Variants in SCLT1 observed in about 807,000 individuals in gnomAD.
SCLT1 encodes the protein sodium channel-associated protein 1.
A neutral mutation model predicts 112.8 loss-of-function variants in SCLT1; 78 were observed. The observed-to-expected ratio is 0.69, with a 90% CI of 0.58 to 0.83. The LOEUF is 0.83. SCLT1 is among the 40% of genes least tolerant of loss of function. SCLT1 has a pLI of 0.00. For synonymous variants in SCLT1, 257 were observed against 254.7 expected, an observed-to-expected ratio of 1.01 and a Z score of -0.09; for missense variants, 747 against 770.4, an observed-to-expected ratio of 0.97 and a Z score of 0.36.
intron 18 of SCLT1, among the ~76,000 whole-genome samples, chr4:128,898,554 G>T (rs1025426168): frequency 2.4e-4 from 36 of 152,038 alleles, no homozygotes; most frequent in African/African-American, 8.5e-4. Flanking sequence ...AGCACTAAAT[G>T]CCCACAAGAG....
chr4:129,093,446 C>T lies in SCLT1; in HGVS notation c.-343G>A. 1 of 283,748 alleles carries T rather than the reference C, an allele frequency of 3.5e-6. No homozygotes were observed. The highest frequency in any genetic ancestry group is 6.6e-6 in the Non-Finnish European group (1 of 151,526). 17.6% of individuals were successfully genotyped at this position (283,748 alleles called of 1,614,324 possible). Reference sequence around the variant, plus strand: ...CTAGGAGAGTGCCGCGGGAGCTTGACGGCAGCCTGAGAGCGGCGTTCTACG... The same window carrying T: ...CTAGGAGAGTGCCGCGGGAGCTTGATGGCAGCCTGAGAGCGGCGTTCTACG... On this transcript the variant is annotated 5_prime_UTR_variant, in exon 1 of 21. Transcript: ENST00000281142.
At chr4:129,029,190 G>T (rs1450329026) in intron 5 of SCLT1, among the ~76,000 whole-genome samples, 1 of 152,058 alleles carries the variant, frequency 6.6e-6, no homozygotes, top group African/African-American at 2.4e-5. Context: ...CATACCCAGA[G>T]GATTATAAAT....
chr4:128,990,577 G>A (rs1742475002), intron 9 of SCLT1, among the ~76,000 whole-genome samples: 1 of 151,726 alleles, frequency 6.6e-6, no homozygotes, highest in Admixed American at 6.6e-5. Flanking sequence ...AACACAGTAT[G>A]AGGAGTCCTA....
chr4:128,960,010 C>T lies in SCLT1; in HGVS notation c.870-233G>A, dbSNP rs377208336. 1.7e-4 allele frequency among the ~76,000 whole-genome samples: 26 copies of T among 152,168 alleles called. No individual in the cohort carries two copies. In the East Asian group the frequency reaches 2.5e-3, roughly 15 times the overall value. On this transcript the variant is annotated intron_variant, in intron 11 of 20. Transcript: ENST00000281142. ...GTTAGGCATTTGATTAAGATCATAGCGCTAATGAGCAGTGGGGCTGAGACT... is the reference window on the plus strand; with the variant it reads ...GTTAGGCATTTGATTAAGATCATAGTGCTAATGAGCAGTGGGGCTGAGACT...
At chr4:129,021,095 C>G (rs969006016) in intron 5 of SCLT1, among the ~76,000 whole-genome samples, 1 of 152,124 alleles carries the variant, frequency 6.6e-6, no homozygotes, top group Non-Finnish European at 1.5e-5. Flanking sequence ...GGGTCCAACC[C>G]ATGGAGGATG....
intron 20 of SCLT1, among the ~76,000 whole-genome samples, chr4:128,885,238 A>G (rs1172938573): frequency 2.6e-5 from 4 of 152,230 alleles, no homozygotes; most frequent in Admixed American, 6.5e-5. Context: ...AATAACATAT[A>G]CACATAGTAA....
At chr4:129,066,013 T>C (rs1289101491) in intron 2 of SCLT1, among the ~76,000 whole-genome samples, 1 of 151,916 alleles carries the variant, frequency 6.6e-6, no homozygotes, top group Non-Finnish European at 1.5e-5. Flanking sequence ...ATGGTTATTA[T>C]ACAGAGAAAA....
At chr4:128,897,694 C>T (rs183085694) in intron 18 of SCLT1, among the ~76,000 whole-genome samples, 100 of 152,150 alleles carry the variant, frequency 6.6e-4, no homozygotes, top group African/African-American at 2.0e-3. Flanking sequence ...AATGTAAATG[C>T]GCTAAATGCT....
chr4:129,063,755 C>A (rs1750212037), intron 2 of SCLT1, among the ~76,000 whole-genome samples: 2 of 152,146 alleles, frequency 1.3e-5, no homozygotes, highest in East Asian at 1.9e-4. Context: ...TGAGTCCCTC[C>A]CTGTTCTCCC....
chr4:129,048,292 T>C (rs970182608), intron 2 of SCLT1, among the ~76,000 whole-genome samples: 2 of 152,170 alleles, frequency 1.3e-5, no homozygotes, highest in African/African-American at 2.4e-5. Context: ...TATAGATCAA[T>C]GGAACAGAAC....
At chr4:128,971,327 T>C (rs1740674811) in intron 9 of SCLT1, 1 of 152,312 alleles carries the variant, frequency 6.6e-6, no homozygotes, top group African/African-American at 2.4e-5. Context: ...GATGCAAAAT[T>C]CACAAGTAAA....
At chr4:128,935,194 T>C (rs1009647445) in intron 18 of SCLT1, among the ~76,000 whole-genome samples, 25 of 152,002 alleles carry the variant, frequency 1.6e-4, no homozygotes, top group African/African-American at 5.5e-4. Context: ...GTTAGTTCTT[T>C]AGTGCTCTTT....
intron 6 of SCLT1, among the ~76,000 whole-genome samples, chr4:129,002,690 T>C (rs903234989): frequency 6.6e-6 from 1 of 152,138 alleles, no homozygotes; most frequent in Non-Finnish European, 1.5e-5. Flanking sequence ...AAAAAGCTCA[T>C]TATTACTGGT....
At chr4:128,987,867 A>C (rs1579607582) in intron 9 of SCLT1, among the ~76,000 whole-genome samples, 2 of 152,198 alleles carry the variant, frequency 1.3e-5, no homozygotes, top group East Asian at 3.8e-4. Context: ...CAAGACAAAT[A>C]AGACTACTTC....
chr4:128,922,766 C>A (rs1006548459), intron 18 of SCLT1, among the ~76,000 whole-genome samples: 4 of 152,122 alleles, frequency 2.6e-5, no homozygotes, highest in African/African-American at 9.7e-5. Context: ...ACACAACAAA[C>A]CTGCTCATGT....
At chr4:128,907,707 T>C (rs151223738) in intron 18 of SCLT1, among the ~76,000 whole-genome samples, 2 of 150,846 alleles carry the variant, frequency 1.3e-5, no homozygotes, top group East Asian at 2.0e-4. Context: ...ATTTCTGTTT[T>C]TCTCTATCAT....
intron 17 of SCLT1, among the ~76,000 whole-genome samples, chr4:128,942,681 A>T (rs2125989004): frequency 6.6e-6 from 1 of 152,242 alleles, no homozygotes; most frequent in Middle Eastern, 3.4e-3. Flanking sequence ...GAGAGAGAAG[A>T]GAGGAAGGCA....
chr4:128,955,129 T>C (rs1452674451), intron 13 of SCLT1, among the ~76,000 whole-genome samples: 1 of 152,210 alleles, frequency 6.6e-6, no homozygotes. Flanking sequence ...CCAAAGGTCA[T>C]ATGGAATTTC....
intron 14 of SCLT1, chr4:128,952,331 T>C (rs758311214): frequency 4.4e-6 from 2 of 457,326 alleles, no homozygotes; most frequent in South Asian, 3.1e-5. Flanking sequence ...AAACTTCTAT[T>C]TCCAATCTCA....
Sources: gnomAD v4.1 joint callset for allele counts (sites outside exome capture counted in the v4.1 genomes callset) on GRCh38, gnomAD v4.1.1 for gene constraint, MANE v1.5 for transcripts, NCBI Gene and HGNC (gene_info 2026-07-23, HGNC 2026-07-21) for gene names.